MROH2B: variants seen among roughly 807,000 people sequenced by gnomAD.
MROH2B encodes the protein maestro heat like repeat family member 2B.
A neutral mutation model predicts 208.6 loss-of-function variants in MROH2B; 177 were observed. That is an observed-to-expected ratio of 0.85 (90% confidence interval 0.75 to 0.96). MROH2B has a LOEUF of 0.96. Ranked by LOEUF, MROH2B falls within the 40% of genes least tolerant of loss-of-function variation. The pLI is 0.00. For synonymous variants in MROH2B, 728 were observed against 659.0 expected (o/e 1.10, Z -1.60); for missense variants, 2,002 against 1,878.7 (o/e 1.07, Z -1.21).
chr5:41,045,816 G>A lies in MROH2B; in HGVS notation c.1766C>T (p.Ala589Val). Residue 589 changes from alanine to valine, a missense_variant, in exon 18 of 42, where the codon GCC (alanine) becomes GTC (valine). By Grantham distance (64) the Ala-to-Val change is moderately conservative. Transcript: ENST00000399564. ...ATCCTGAGTCAGCTGAATGGTCCAG[G>A]CCACATCACTGATCTTCCATAAGGA... is the stretch of plus-strand genomic sequence containing the variant. Reference protein sequence around the residue: ...KESLWKISDVAWTIQLTQDFK... With the variant: ...KESLWKISDVVWTIQLTQDFK... The A allele has an allele frequency of 6.2e-7, 1 of 1,613,316 alleles. No homozygotes were observed. Among genetic ancestry groups the A allele is most frequent in the Non-Finnish European group, 8.5e-7 (1 of 1,179,438 alleles).
At chr5:41,000,855 G>T (rs371588819) in intron 37 of MROH2B, 22 bp from the exon 38 acceptor site, 2 of 1,599,178 alleles carry the variant, frequency 1.3e-6, no homozygotes, top group South Asian at 2.3e-5. Flanking sequence ...AATGCATGTC[G>T]TGGTGAATAT....
At chr5:41,022,085 G>A (rs376689277) in intron 24 of MROH2B, among the ~76,000 whole-genome samples, 12 of 152,238 alleles carry the variant, frequency 7.9e-5, no homozygotes, top group East Asian at 7.7e-4. Flanking sequence ...CAAGATGGCC[G>A]AATAGGAACA....
rs897298979 is a variant in MROH2B at position 41,025,234 on chromosome 5, A to G, written c.2442-6216T>C. On this transcript the variant is annotated intron_variant, in intron 24 of 41. Transcript: ENST00000399564. ...ACACAAAAAGCCCTTCAAAAAATCA[A>G]TGAATCTAGGAGCTGGTTTTTTGAA... Among the ~76,000 whole-genome samples the G allele has an allele frequency of 5.9e-5, 9 of 152,168 alleles. 1 individual carries two copies. In the South Asian group the frequency reaches 8.3e-4, roughly 14 times the overall value.
At chr5:41,028,954 C>A (rs916888125) in intron 24 of MROH2B, among the ~76,000 whole-genome samples, 9 of 151,954 alleles carry the variant, frequency 5.9e-5, no homozygotes, top group African/African-American at 1.9e-4. Context: ...GATATCTTTA[C>A]GAGGTGGTAA....
chr5:40,999,106 C>T (rs1422045786), intron 40 of MROH2B, among the ~76,000 whole-genome samples: 2 of 152,166 alleles, frequency 1.3e-5, no homozygotes, highest in Non-Finnish European at 2.9e-5. Context: ...TTAGTTGGAA[C>T]AGGCTTCAAA....
intron 11 of MROH2B, 21 bp from the exon 12 acceptor site, chr5:41,052,608 T>A: frequency 6.3e-7 from 1 of 1,585,098 alleles, no homozygotes; most frequent in Non-Finnish European, 8.6e-7. Flanking sequence ...AACAATGCAA[T>A]AGCAACATTT....
chr5:41,034,046 A>T lies in MROH2B; in HGVS notation c.2215-182T>A, dbSNP rs182108161. ...TCACTTCTTCCATTTTTAAAGTGAG[A>T]CCTTGTACATTTGCAGAGTCTTTCC... is the stretch of plus-strand genomic sequence containing the variant. On this transcript the variant is annotated intron_variant, in intron 21 of 41. Coordinates refer to ENST00000399564, the MANE Select transcript of MROH2B (RefSeq NM_173489.5). The T allele has an allele frequency of 2.9e-4, 288 of 984,960 alleles. 2 individuals are homozygous for T. The African/African-American group carries it at 4.7e-3, about 16-fold the overall frequency. 61.0% of individuals were successfully genotyped at this position (984,960 alleles called of 1,614,324 possible). A position where few individuals can be genotyped will look rare whatever the true frequency, so the allele number is the denominator to read the frequency against.
At chr5:41,057,705 C>A (rs180977548) in intron 7 of MROH2B, among the ~76,000 whole-genome samples, 1 of 151,418 alleles carries the variant, frequency 6.6e-6, no homozygotes, top group African/African-American at 2.4e-5. Flanking sequence ...TATGGGCATG[C>A]GCCACCATGC....
intron 2 of MROH2B, among the ~76,000 whole-genome samples, chr5:41,068,919 C>A (rs779292962): frequency 5.3e-5 from 8 of 152,148 alleles, no homozygotes; most frequent in African/African-American, 1.7e-4. Flanking sequence ...CCAAAACTCT[C>A]TAAGGGATTC....
intron 24 of MROH2B, among the ~76,000 whole-genome samples, chr5:41,026,393 C>G (rs1214117133): frequency 6.6e-6 from 1 of 152,102 alleles, no homozygotes; most frequent in Non-Finnish European, 1.5e-5. Context: ...ACACCAATAA[C>G]AGACAAACAC....
chr5:41,043,604 T>C lies in MROH2B; in HGVS notation c.1837-1396A>G, dbSNP rs1377497820. Among the ~76,000 whole-genome samples the C allele has an allele frequency of 3.3e-5, 5 of 152,332 alleles. No individual in the cohort carries two copies. The East Asian group carries it at 9.7e-4, about 29-fold the overall frequency. On this transcript the variant is annotated intron_variant, in intron 18 of 41. Transcript: ENST00000399564. The stretch of plus-strand genomic sequence containing the variant: ...CATAGTACATCCCTGCTTTAAGGCT[T>C]CACATGGAATCCAAGAAATTAGAAG...
Position 41,012,492 on chromosome 5 carries a change from C to T in MROH2B, c.3135+91G>A, listed in dbSNP as rs1396759909. 4 of 1,373,968 alleles carry T rather than the reference C, an allele frequency of 2.9e-6. No homozygotes were observed. In the African/African-American group the frequency reaches 5.8e-5, roughly 20 times the overall value. 85.1% of individuals were successfully genotyped at this position (1,373,968 alleles called of 1,614,324 possible). A position where few individuals can be genotyped will look rare whatever the true frequency, so the allele number is the denominator to read the frequency against. ...AGGTTGTGCAAGCCTTTGCATGCTGCCCATCAGTGGACAAACAGAGAAAGT... is the reference window on the plus strand; with the variant it reads ...AGGTTGTGCAAGCCTTTGCATGCTGTCCATCAGTGGACAAACAGAGAAAGT... On this transcript the variant is annotated intron_variant, in intron 30 of 41. Transcript: ENST00000399564.
chr5:41,001,490 C>T (rs191328274), intron 37 of MROH2B, among the ~76,000 whole-genome samples: 4 of 152,214 alleles, frequency 2.6e-5, no homozygotes, highest in Admixed American at 2.6e-4. Context: ...GCAGGCAGAT[C>T]ACCTGAGGTC....
rs1451994737 is a variant in MROH2B, at chr5:41,049,133, G to C, written c.1510C>G (p.Pro504Ala). 2 of 1,601,020 alleles carry C rather than the reference G, an allele frequency of 1.2e-6. No homozygotes were observed. Among genetic ancestry groups the C allele is most frequent in the Non-Finnish European group, 1.7e-6 (2 of 1,173,024 alleles). ...LVVSTGAVKLPSPQQLLARLL... is the reference protein window; with the variant it reads ...LVVSTGAVKLASPQQLLARLL... ...CTGGCCAGTAGCTGCTGTGGTGAAGGAAGTTTCACTAGAAAGAGAAAGCAA... is the reference window on the plus strand; with the variant it reads ...CTGGCCAGTAGCTGCTGTGGTGAAGCAAGTTTCACTAGAAAGAGAAAGCAA... The change falls in exon 15 of 42, where the codon CCT becomes GCT. Residue 504 changes from proline (P) to alanine (A), a missense_variant. Physicochemically the swap from Pro to Ala is conservative, Grantham distance 27 (BLOSUM62 -1). Coordinates refer to ENST00000399564, the MANE Select transcript of MROH2B (RefSeq NM_173489.5).
rs1741319215 is a variant in MROH2B at position 40,999,597 on chromosome 5, T to C, written c.4585+80A>G. On this transcript the variant is annotated intron_variant, in intron 40 of 41. Coordinates refer to ENST00000399564, the MANE Select transcript of MROH2B (RefSeq NM_173489.5). ...GTTATACCAGTCCTACTAGTGTTCATACTGGACAGCTTCTGGTCAAAGCAA... is the reference window on the plus strand; with the variant it reads ...GTTATACCAGTCCTACTAGTGTTCACACTGGACAGCTTCTGGTCAAAGCAA... 4.1e-6 allele frequency: 5 copies of C among 1,211,230 alleles called. No individual in the cohort carries two copies. The African/African-American group carries it at 4.5e-5, about 11-fold the overall frequency. 75.0% of individuals were successfully genotyped at this position (1,211,230 alleles called of 1,614,324 possible).
At position 41,055,728 on chromosome 5, in the gene MROH2B, A is replaced by C. The variant is rs75502158; in HGVS notation, c.1033+14T>G. 6.2e-7 allele frequency: 1 copy of C among 1,600,944 alleles called. No homozygotes were observed. Among genetic ancestry groups the C allele is most frequent in the African/African-American group, 1.3e-5 (1 of 74,802 alleles). ...CATGAAATAAACCATGTTGGCTTCA[A>C]CCCTCTTGCTTACCATCAGCATTGA... On this transcript the variant is annotated intron_variant, in intron 10 of 41. Transcript: ENST00000399564.
Position 41,057,369 on chromosome 5 carries a change from G to T in MROH2B, c.757-9C>A. 1 of 1,562,484 alleles carries T rather than the reference G, an allele frequency of 6.4e-7. No individual in the cohort carries two copies. Among genetic ancestry groups the T allele is most frequent in the Non-Finnish European group, 8.7e-7 (1 of 1,152,144 alleles). ...AGTATTTGTTTTAGGCTCTAAAGTG[G>T]AAACTCCCACAGGTTAGTTGGAGGC... On this transcript the variant is annotated splice_polypyrimidine_tract_variant and intron_variant, in intron 7 of 41. Transcript: ENST00000399564.
In MROH2B at chr5:41,017,887, C is replaced by T. The variant is rs371233888; in HGVS notation, c.2847G>A (p.Ala949=). The change falls in exon 28 of 42, where the codon GCG becomes GCA. Residue 949 remains alanine (A), a synonymous_variant. Coordinates refer to ENST00000399564, the MANE Select transcript of MROH2B (RefSeq NM_173489.5). The part of the protein sequence containing the change: ...SCDTLPTIRQ[A]AASSTIGLFY... ...ACAGACCAATAGTTGAGCTAGCAGC[C>T]GCCTGACGGATGGTGGGCAGGGTAT... The T allele has an allele frequency of 2.7e-4, 433 of 1,593,066 alleles. No homozygotes were observed. The highest frequency in any genetic ancestry group is 9.5e-4 in the East Asian group (42 of 44,366).
At chr5:41,009,166 G>T in intron 32 of MROH2B, 114 bp downstream of exon 32, 2 of 1,394,334 alleles carry the variant, frequency 1.4e-6, no homozygotes, top group African/African-American at 2.9e-5. Flanking sequence ...TAAAGTTAGG[G>T]TATGAGAGAA....
Sources: gnomAD v4.1 joint callset for allele counts (sites outside exome capture counted in the v4.1 genomes callset) on GRCh38, gnomAD v4.1.1 for gene constraint, MANE v1.5 for transcripts, NCBI Gene and HGNC (gene_info 2026-07-23, HGNC 2026-07-21) for gene names.